The following LRMDA variants were observed in gnomAD, a reference collection of about 807,000 sequenced individuals.
The protein encoded by LRMDA is leucine-rich melanocyte differentiation-associated protein.
Under a neutral mutation model 29.8 loss-of-function variants are expected in LRMDA, and 18 were observed. The ratio of observed to expected loss-of-function variants is 0.60; its 90% CI spans 0.42 to 0.90. The LOEUF (loss-of-function observed/expected upper bound fraction) is 0.90, where lower values mean the gene tolerates loss of function less well. LRMDA is among the 40% of genes least tolerant of loss of function. LRMDA has a pLI of 0.00. For synonymous variants in LRMDA, 125 were observed against 109.4 expected, an observed-to-expected ratio of 1.14 and a Z score of -0.89; for missense variants, 273 against 273.9, an observed-to-expected ratio of 1.00 and a Z score of 0.02.
chr10:76,341,454 C>T (rs1841040467), intron 6 of LRMDA, among the ~76,000 whole-genome samples: 1 of 152,182 alleles, frequency 6.6e-6, no homozygotes, highest in Non-Finnish European at 1.5e-5. Context: ...ATATCAAACT[C>T]TGTACCCTAA....
chr10:76,171,295 C>T (rs1040185592), intron 5 of LRMDA, among the ~76,000 whole-genome samples: 2 of 152,168 alleles, frequency 1.3e-5, no homozygotes, highest in African/African-American at 4.8e-5. Flanking sequence ...ACCACCATGC[C>T]TGGCTAATTT....
intron 2 of LRMDA, among the ~76,000 whole-genome samples, chr10:75,834,233 G>C (rs990436702): frequency 2.0e-5 from 3 of 152,074 alleles, no homozygotes; most frequent in African/African-American, 4.8e-5. Flanking sequence ...GAGACAAAAG[G>C]GTCCTCCATA....
intron 2 of LRMDA, among the ~76,000 whole-genome samples, chr10:75,541,555 C>T (rs1270863081): frequency 6.6e-6 from 1 of 151,966 alleles, no homozygotes; most frequent in Non-Finnish European, 1.5e-5. Context: ...CAGTAGGGAG[C>T]CCTGAGAAAT....
At chr10:75,900,127 A>G (rs1023622374) in intron 2 of LRMDA, among the ~76,000 whole-genome samples, 2 of 152,254 alleles carry the variant, frequency 1.3e-5, no homozygotes, top group African/African-American at 2.4e-5. Context: ...TACTGATTGT[A>G]TACCAGAAGC....
At chr10:76,229,964 A>G (rs370666990) in intron 5 of LRMDA, among the ~76,000 whole-genome samples, 1 of 152,138 alleles carries the variant, frequency 6.6e-6, no homozygotes, top group South Asian at 2.1e-4. Context: ...AGGTATTTCT[A>G]TCTATTGGTA....
chr10:75,644,298 G>T (rs1297490575), intron 2 of LRMDA, among the ~76,000 whole-genome samples: 1 of 152,166 alleles, frequency 6.6e-6, no homozygotes, highest in Non-Finnish European at 1.5e-5. Flanking sequence ...CCCTCAGGAA[G>T]GCATCACAAT....
At chr10:76,221,597 C>T (rs1851838814) in intron 5 of LRMDA, among the ~76,000 whole-genome samples, 2 of 152,276 alleles carry the variant, frequency 1.3e-5, no homozygotes, top group South Asian at 2.1e-4. Context: ...AACTACAAAC[C>T]ACTGCTCAAT....
chr10:76,334,899 C>A (rs937521336), intron 6 of LRMDA, among the ~76,000 whole-genome samples: 8 of 152,178 alleles, frequency 5.3e-5, no homozygotes, highest in African/African-American at 1.9e-4. Flanking sequence ...AGGAATCCTA[C>A]AGTCTAATTG....
At chr10:75,961,829 A>C (rs1468607792) in intron 2 of LRMDA, among the ~76,000 whole-genome samples, 1 of 152,218 alleles carries the variant, frequency 6.6e-6, no homozygotes, top group African/African-American at 2.4e-5. Context: ...GGAGGCTAGA[A>C]GCCCGAATTC....
chr10:76,460,026 C>G (rs953403349), intron 6 of LRMDA, among the ~76,000 whole-genome samples: 4 of 152,298 alleles, frequency 2.6e-5, no homozygotes, highest in African/African-American at 9.6e-5. Flanking sequence ...AGATAGAACA[C>G]ATAATATCCT....
chr10:76,152,933 T>G (rs1850472327), intron 5 of LRMDA, among the ~76,000 whole-genome samples: 1 of 152,054 alleles, frequency 6.6e-6, no homozygotes, highest in African/African-American at 2.4e-5. Context: ...CTCCACCTCC[T>G]GGATTCAAGC....
chr10:76,339,275 A>G (rs1234382045), intron 6 of LRMDA, among the ~76,000 whole-genome samples: 1 of 149,922 alleles, frequency 6.7e-6, no homozygotes, highest in African/African-American at 2.4e-5. Context: ...TCCTTCCAAA[A>G]AAAAAAAAAA....
rs1371068137 is a variant in LRMDA at position 76,225,726 on chromosome 10, A to AT, written c.517-98674dup. Among the ~76,000 whole-genome samples the AT allele has an allele frequency of 4.9e-3, 406 of 83,262 alleles. 1 individual carries two copies. The highest frequency in any genetic ancestry group is 0.025 in the African/African-American group (384 of 15,446). The allele number at this position is 83,262 out of a possible 152,430, so 54.6% of individuals were successfully genotyped here. On this transcript the variant is annotated intron_variant, in intron 5 of 6. Coordinates refer to ENST00000611255, the MANE Select transcript of LRMDA (RefSeq NM_001305581.2). ...TTTATTTATTTATTTATTTATTATT[A>AT]TATATATATTTTTATTATATTTTAA...
At chr10:75,675,254 C>T (rs1841945634) in intron 2 of LRMDA, among the ~76,000 whole-genome samples, 3 of 152,182 alleles carry the variant, frequency 2.0e-5, no homozygotes, top group African/African-American at 7.2e-5. Context: ...TGAGCAGGAT[C>T]TTAATTGTAC....
rs554969400 is a variant in LRMDA, at chr10:75,913,226, A to G, written c.132-122782A>G. ...GTAATCCCAGCACTTTGGGAGGCCA[A>G]GGCTGGTGGATCATGAGGTCAGGAG... On this transcript the variant is annotated intron_variant, in intron 2 of 6. Coordinates refer to ENST00000611255, the MANE Select transcript of LRMDA (RefSeq NM_001305581.2). Among the ~76,000 whole-genome samples, 17 of 152,316 alleles carry G rather than the reference A, an allele frequency of 1.1e-4. No individual in the cohort carries two copies. The South Asian group carries it at 3.5e-3, about 32-fold the overall frequency.
At chr10:75,992,204 A>ACTC (rs1554839126) in intron 2 of LRMDA, among the ~76,000 whole-genome samples, 1 of 151,848 alleles carries the variant, frequency 6.6e-6, no homozygotes, top group Non-Finnish European at 1.5e-5. Context: ...AGTCTCACAG[A>ACTC]CTCCAGAGCA....
At chr10:76,136,182 T>G (rs1330209131) in intron 5 of LRMDA, among the ~76,000 whole-genome samples, 1 of 152,226 alleles carries the variant, frequency 6.6e-6, no homozygotes. Flanking sequence ...AATTTACAAT[T>G]TATGAAGTCA....
chr10:76,230,496 A>G (rs975657982), intron 5 of LRMDA, among the ~76,000 whole-genome samples: 5 of 151,902 alleles, frequency 3.3e-5, no homozygotes, highest in Admixed American at 3.3e-4. Context: ...ACTAAGAGAA[A>G]CTATGAAAAT....
chr10:76,555,766 C>CAAAAAAAAAA (rs60428922), intron 6 of LRMDA, among the ~76,000 whole-genome samples: 1 of 124,838 alleles, frequency 8.0e-6, no homozygotes, highest in African/African-American at 2.9e-5. Flanking sequence ...ACAAATTAAC[C>CAAAAAAAAAA]AAAAAAAAAA....
Sources: allele counts gnomAD v4.1 joint callset (sites outside exome capture counted in the v4.1 genomes callset), GRCh38; gene constraint gnomAD v4.1.1; transcripts MANE v1.5; gene names NCBI Gene and HGNC (gene_info 2026-07-23, HGNC 2026-07-21).